WWOX: variants seen among roughly 807,000 people sequenced by gnomAD.
The protein encoded by WWOX is WW domain containing oxidoreductase.
A neutral mutation model predicts 46.2 loss-of-function variants in WWOX; 69 were observed. That is an observed-to-expected ratio of 1.49 (90% CI 1.23 to 1.82). The LOEUF is 1.82. WWOX is among the 40% of genes most tolerant of loss of function. The pLI is 0.00. For synonymous variants in WWOX, 359 were observed against 202.6 expected (o/e 1.77, Z -6.56); for missense variants, 919 against 542.6 (o/e 1.69, Z -6.89).
At chr16:78,170,587 C>T (rs892744761) in intron 5 of WWOX, among the ~76,000 whole-genome samples, 1 of 152,216 alleles carries the variant, frequency 6.6e-6, no homozygotes, top group African/African-American at 2.4e-5. Context: ...TTTCTGTCTT[C>T]ATATGTCTGG....
chr16:78,109,040 A>G (rs1375289227), intron 2 of WWOX, among the ~76,000 whole-genome samples: 1 of 152,166 alleles, frequency 6.6e-6, no homozygotes, highest in African/African-American at 2.4e-5. Context: ...GAGGCCTTTG[A>G]TTCACAGTTT....
intron 4 of WWOX, among the ~76,000 whole-genome samples, chr16:78,156,905 C>T (rs548750180): frequency 6.6e-5 from 10 of 152,120 alleles, no homozygotes; most frequent in South Asian, 2.1e-4. Flanking sequence ...CACTCCAGCC[C>T]GGGTGACAGA....
intron 8 of WWOX, among the ~76,000 whole-genome samples, chr16:78,936,053 G>C (rs1475423125): frequency 7.2e-5 from 11 of 152,152 alleles, no homozygotes; most frequent in African/African-American, 4.8e-5. Context: ...TGAAAGAGTG[G>C]AGACTGGCCA....
intron 8 of WWOX, among the ~76,000 whole-genome samples, chr16:79,017,994 G>A (rs557304066): frequency 6.6e-6 from 1 of 152,180 alleles, no homozygotes; most frequent in Non-Finnish European, 1.5e-5. Context: ...ATCCAAAAAG[G>A]TTATGTACTG....
intron 5 of WWOX, among the ~76,000 whole-genome samples, chr16:78,192,819 A>G (rs899747343): frequency 6.6e-5 from 10 of 152,240 alleles, no homozygotes; most frequent in Admixed American, 6.5e-5. Context: ...GTTTTGAATT[A>G]TGTAACTTAA....
chr16:78,970,758 A>C (rs1029857614), intron 8 of WWOX, among the ~76,000 whole-genome samples: 4 of 152,122 alleles, frequency 2.6e-5, no homozygotes, highest in African/African-American at 9.7e-5. Flanking sequence ...CTTCTTCCTT[A>C]TTAGTCGTGA....
In WWOX at chr16:78,330,083, C is replaced by T. The variant is rs1308647322; in HGVS notation, c.517-56777C>T. Among the ~76,000 whole-genome samples, 20 of 152,132 alleles carry T rather than the reference C, an allele frequency of 1.3e-4. 1 individual carries two copies. Among genetic ancestry groups the T allele is most frequent in the Admixed American group, 1.3e-3 (20 of 15,258 alleles). ...TTTTGTCTTTTTCTAATAACCATTGCTATAGATGGTTGTCCTTAACGCGTA... is the reference window on the plus strand; with the variant it reads ...TTTTGTCTTTTTCTAATAACCATTGTTATAGATGGTTGTCCTTAACGCGTA... On this transcript the variant is annotated intron_variant, in intron 5 of 8. Transcript: ENST00000566780.
chr16:78,782,373 C>T (rs527392046), intron 8 of WWOX, among the ~76,000 whole-genome samples: 2 of 152,168 alleles, frequency 1.3e-5, no homozygotes, highest in Non-Finnish European at 2.9e-5. Context: ...GCCACAGCTT[C>T]TAGGATTTCT....
chr16:78,971,463 A>G (rs914811599), intron 8 of WWOX, among the ~76,000 whole-genome samples: 3 of 150,288 alleles, frequency 2.0e-5, no homozygotes, highest in Admixed American at 6.6e-5. Flanking sequence ...AAAAAAAAAA[A>G]AAAAAAAAAA....
At chr16:78,522,454 G>A (rs1048525440) in intron 8 of WWOX, among the ~76,000 whole-genome samples, 4 of 152,102 alleles carry the variant, frequency 2.6e-5, no homozygotes, top group African/African-American at 9.7e-5. Context: ...CTGCTCTCGG[G>A]CTCTGCCTGC....
chr16:78,221,827 T>C (rs1349772148), intron 5 of WWOX, among the ~76,000 whole-genome samples: 1 of 152,238 alleles, frequency 6.6e-6, no homozygotes, highest in Non-Finnish European at 1.5e-5. Context: ...TATACACTCA[T>C]GCATACAGGT....
chr16:78,670,719 C>G (rs923360572), intron 8 of WWOX, among the ~76,000 whole-genome samples: 1 of 151,816 alleles, frequency 6.6e-6, no homozygotes, highest in African/African-American at 2.4e-5. Context: ...GCCATCTTGC[C>G]CAGGCTAGTC....
At chr16:78,478,238 T>C (rs2084399890) in intron 8 of WWOX, among the ~76,000 whole-genome samples, 1 of 152,224 alleles carries the variant, frequency 6.6e-6, no homozygotes, top group Non-Finnish European at 1.5e-5. Context: ...TGTTACAAAA[T>C]ACTGTATTTA....
intron 4 of WWOX, among the ~76,000 whole-genome samples, chr16:78,146,930 T>C (rs977508726): frequency 6.6e-6 from 1 of 152,194 alleles, no homozygotes; most frequent in African/African-American, 2.4e-5. Context: ...CTGTTGTGGA[T>C]ATTTGACCAC....
In WWOX at chr16:78,114,828, T is replaced by G. The variant is rs927306328; in HGVS notation, c.231-148T>G. The G allele has an allele frequency of 1.1e-5, 11 of 960,008 alleles. 1 individual carries two copies. The highest frequency in any genetic ancestry group is 3.3e-5 in the South Asian group (2 of 60,858). The allele number at this position is 960,008 out of a possible 1,614,324, so 59.5% of individuals were successfully genotyped here. On this transcript the variant is annotated intron_variant, in intron 3 of 8. Transcript: ENST00000566780. ...TGTGATCCTTCTGGAGGCCAGAAGATAGATTCAGTGGGCCCCAGTTCTTTC... is the reference window on the plus strand; with the variant it reads ...TGTGATCCTTCTGGAGGCCAGAAGAGAGATTCAGTGGGCCCCAGTTCTTTC...
intron 8 of WWOX, among the ~76,000 whole-genome samples, chr16:78,592,231 G>C (rs941947904): frequency 1.3e-5 from 2 of 152,124 alleles, no homozygotes; most frequent in African/African-American, 4.8e-5. Context: ...TTGTTTGTTT[G>C]TTTTTACTGT....
chr16:78,520,857 G>T (rs1299869976), intron 8 of WWOX, among the ~76,000 whole-genome samples: 1 of 152,158 alleles, frequency 6.6e-6, no homozygotes, highest in Non-Finnish European at 1.5e-5. Context: ...AGCCTTGGTT[G>T]TATCTTATAG....
At chr16:78,677,498 G>A (rs2047630076) in intron 8 of WWOX, among the ~76,000 whole-genome samples, 1 of 152,102 alleles carries the variant, frequency 6.6e-6, no homozygotes, top group African/African-American at 2.4e-5. Flanking sequence ...CAAACATCCT[G>A]AGCCTGTTCT....
intron 5 of WWOX, among the ~76,000 whole-genome samples, chr16:78,235,967 C>T (rs1597385011): frequency 6.6e-6 from 1 of 152,260 alleles, no homozygotes. Context: ...GCTTTGTGGG[C>T]TTTATGGTCT....
Sources: gnomAD v4.1 joint callset for allele counts (sites outside exome capture counted in the v4.1 genomes callset) on GRCh38, gnomAD v4.1.1 for gene constraint, MANE v1.5 for transcripts, NCBI Gene and HGNC (gene_info 2026-07-23, HGNC 2026-07-21) for gene names.